Variants in NCOA3 observed in about 807,000 individuals in gnomAD.
The protein encoded by NCOA3 is CBP-interacting protein.
In NCOA3, 51 loss-of-function variants were observed where a neutral mutation model predicts 158.8. The observed-to-expected ratio is 0.32, with a 90% CI of 0.26 to 0.41. The LOEUF (loss-of-function observed/expected upper bound fraction) is 0.41, where lower values mean the gene tolerates loss of function less well. Ranked by LOEUF, NCOA3 falls within the 10% of genes least tolerant of loss-of-function variation. The pLI is 1.00. For synonymous variants in NCOA3, 537 were observed against 592.4 expected, an observed-to-expected ratio of 0.91 and a Z score of 1.36; for missense variants, 1,510 against 1,746.6, an observed-to-expected ratio of 0.86 and a Z score of 2.41.
intron 2 of NCOA3, among the ~76,000 whole-genome samples, chr20:47,588,430 C>T (rs1454082794): frequency 1.3e-5 from 2 of 151,962 alleles, no homozygotes; most frequent in African/African-American, 2.4e-5. Flanking sequence ...CCACCACGCC[C>T]GACCTCCACC....
intron 1 of NCOA3, among the ~76,000 whole-genome samples, chr20:47,511,403 A>G (rs1056924929): frequency 1.6e-5 from 2 of 122,700 alleles, no homozygotes; most frequent in African/African-American, 5.9e-5. Flanking sequence ...GTCCACCACC[A>G]TGCCTAATTT....
rs1568758915 is a variant in NCOA3 at position 47,651,173 on chromosome 20, C to T, written c.3843C>T (p.Ser1281=). 3.1e-6 allele frequency: 5 copies of T among 1,613,986 alleles called. No individual in the cohort carries two copies. Among genetic ancestry groups the T allele is most frequent in the Non-Finnish European group, 4.2e-6 (5 of 1,179,992 alleles). ...AACAGCAGCAAACCCAGGCCTTCAG[C>T]CCACCTCCTAATGTGACTGCTTCCC... The part of the protein sequence containing the change: ...QQQQQQTQAF[S]PPPNVTASPS... Residue 1281 remains serine (S), a synonymous_variant, in exon 20 of 23, where the codon AGC becomes AGT. Transcript: ENST00000371998.
At position 47,654,770 on chromosome 20, in the gene NCOA3, T is replaced by A. The variant is rs928061466; in HGVS notation, c.*1353T>A. 6.6e-6 allele frequency: 1 copy of A among 151,984 alleles called. No individual in the cohort carries two copies. Among genetic ancestry groups the A allele is most frequent in the Non-Finnish European group, 1.5e-5 (1 of 68,002 alleles). The allele number at this position is 151,984 out of a possible 1,614,324, so 9.4% of individuals were successfully genotyped here. On this transcript the variant is annotated 3_prime_UTR_variant, in exon 23 of 23. Transcript: ENST00000371998. ...ATGGGGAAATAAACTTAAAAAAAAA[T>A]CAGGAATTTAAAAAAACGAGCAATT...
intron 2 of NCOA3, among the ~76,000 whole-genome samples, chr20:47,617,313 T>C (rs1324113184): frequency 6.6e-6 from 1 of 152,222 alleles, no homozygotes; most frequent in Non-Finnish European, 1.5e-5. Context: ...TATTTGCCCT[T>C]TGAAGATGGC....
At chr20:47,525,917 G>T (rs796532438) in intron 1 of NCOA3, among the ~76,000 whole-genome samples, 1 of 148,894 alleles carries the variant, frequency 6.7e-6, no homozygotes, top group African/African-American at 2.5e-5. Context: ...CTCCCGGATG[G>T]GGCGGCTGGC....
chr20:47,653,188 A>G, intron 22 of NCOA3, 116 bp downstream of exon 22: 1 of 1,311,312 alleles, frequency 7.6e-7, no homozygotes, highest in Non-Finnish European at 1.0e-6. Flanking sequence ...TGTATAACTT[A>G]AAATATAGTA....
At chr20:47,642,501 A>G (rs1158139351) in intron 17 of NCOA3, 117 bp downstream of exon 17, 2 of 575,954 alleles carry the variant, frequency 3.5e-6, no homozygotes, top group Non-Finnish European at 5.3e-6. Context: ...CTTGTGTTAT[A>G]TCACTACATT....
At position 47,576,068 on chromosome 20, in the gene NCOA3, A is replaced by G. The variant is rs72662718; in HGVS notation, c.-98-7115A>G. ...TAGGGAGCAGTTGTACCTACTGCCA[A>G]ATGGTTCACTCCTGAGTTTATTGTA... is the stretch of plus-strand genomic sequence containing the variant. On this transcript the variant is annotated intron_variant, in intron 1 of 22. Transcript: ENST00000371998. Among the ~76,000 whole-genome samples, 1,099 of 152,302 alleles carry G rather than the reference A, an allele frequency of 7.2e-3. 22 individuals are homozygous for G. Among genetic ancestry groups the G allele is most frequent in the African/African-American group, 0.025 (1,041 of 41,554 alleles).
At chr20:47,507,675 A>G (rs1162765684) in intron 1 of NCOA3, among the ~76,000 whole-genome samples, 1 of 152,102 alleles carries the variant, frequency 6.6e-6, no homozygotes, top group Non-Finnish European at 1.5e-5. Context: ...CTGGAGTGCA[A>G]TGGCACGATC....
chr20:47,653,350 A>C, intron 22 of NCOA3, 56 bp from the exon 23 acceptor site: 2 of 1,581,748 alleles, frequency 1.3e-6, no homozygotes, highest in Non-Finnish European at 8.6e-7. Flanking sequence ...TTTGTTGTGC[A>C]AAGCATGTGT....
intron 1 of NCOA3, among the ~76,000 whole-genome samples, chr20:47,553,550 T>TC (rs1424079358): frequency 2.6e-5 from 1 of 38,168 alleles, no homozygotes; most frequent in Admixed American, 2.5e-4. Flanking sequence ...CCTCCCCCCC[T>TC]CCCCCCACCC....
chr20:47,634,315 T>C lies in NCOA3; in HGVS notation c.1112+120T>C, dbSNP rs1602519179. On this transcript the variant is annotated intron_variant, in intron 10 of 22. Coordinates refer to ENST00000371998, the MANE Select transcript of NCOA3 (RefSeq NM_181659.3). Reference sequence around the variant, plus strand: ...CAAAATTTAGGAAGGTTATTGGGTTTGATGAAATGAGTTTAGATTCCTGGA... The same window carrying C: ...CAAAATTTAGGAAGGTTATTGGGTTCGATGAAATGAGTTTAGATTCCTGGA... 3.2e-6 allele frequency: 3 copies of C among 946,014 alleles called. No individual in the cohort carries two copies. The East Asian group carries it at 7.4e-5, about 23-fold the overall frequency. 58.6% of individuals were successfully genotyped at this position (946,014 alleles called of 1,614,324 possible). A position where few individuals can be genotyped will look rare whatever the true frequency, so the allele number is the denominator to read the frequency against.
At chr20:47,650,216 TCTTCTTCAGTTCTCC>T (rs1410676059) in intron 19 of NCOA3, among the ~76,000 whole-genome samples, 1 of 151,598 alleles carries the variant, frequency 6.6e-6, no homozygotes, top group Non-Finnish European at 1.5e-5. Flanking sequence ...TTCAGGTCCC[TCTTCTTCAGTTCTCC>T]CTCCCTCCCC....
intron 14 of NCOA3, 40 bp from the exon 15 acceptor site, chr20:47,639,537 T>C (rs1192546753): frequency 1.0e-5 from 16 of 1,606,566 alleles, no homozygotes; most frequent in Non-Finnish European, 1.4e-5. Flanking sequence ...AGGATTTCAT[T>C]ATAATATGGA....
At chr20:47,536,575 C>CA (rs1319132184) in intron 1 of NCOA3, among the ~76,000 whole-genome samples, 1 of 152,204 alleles carries the variant, frequency 6.6e-6, no homozygotes, top group Non-Finnish European at 1.5e-5. Context: ...AAATTGTTGT[C>CA]ATGCCTTTGT....
Position 47,652,277 on chromosome 20 carries a change from G to C in NCOA3, c.3947-129G>C, listed in dbSNP as rs546331812. 5 of 668,052 alleles carry C rather than the reference G, an allele frequency of 7.5e-6. No homozygotes were observed. In the South Asian group the frequency reaches 1.2e-4, roughly 17 times the overall value. The allele number at this position is 668,052 out of a possible 1,614,324, so 41.4% of individuals were successfully genotyped here. A position where few individuals can be genotyped will look rare whatever the true frequency, so the allele number is the denominator to read the frequency against. On this transcript the variant is annotated intron_variant, in intron 20 of 22. Transcript: ENST00000371998. ...GGGGGGCAGCATCTTATAGCACTCT[G>C]TATCTTACACTTATCACTTCCCTCC...
intron 17 of NCOA3, among the ~76,000 whole-genome samples, chr20:47,642,714 A>G (rs369568932): frequency 2.0e-5 from 3 of 152,130 alleles, no homozygotes; most frequent in African/African-American, 7.2e-5. Context: ...TTTTATAACT[A>G]TCTTTCTCTA....
intron 9 of NCOA3, 138 bp from the exon 10 acceptor site, chr20:47,633,910 G>A (rs1602518243): frequency 2.6e-6 from 3 of 1,145,414 alleles, no homozygotes; most frequent in South Asian, 1.5e-5. Context: ...ATTTTACCCT[G>A]TTGATGATTT....
chr20:47,598,972 C>T (rs2085811416), intron 2 of NCOA3, among the ~76,000 whole-genome samples: 1 of 152,122 alleles, frequency 6.6e-6, no homozygotes, highest in African/African-American at 2.4e-5. Context: ...ACACAAATAC[C>T]ATTGTATTAC....
Sources: allele counts gnomAD v4.1 joint callset (sites outside exome capture counted in the v4.1 genomes callset), GRCh38; gene constraint gnomAD v4.1.1; transcripts MANE v1.5; gene names NCBI Gene and HGNC (gene_info 2026-07-23, HGNC 2026-07-21).